The following KHDC4 variants were observed in gnomAD, a reference collection of about 807,000 sequenced individuals.
The protein encoded by KHDC4 is KH homology domain-containing protein 4.
Under a neutral mutation model 74.5 loss-of-function variants are expected in KHDC4, and 19 were observed. That is an observed-to-expected ratio of 0.26 (90% CI 0.18 to 0.37). The LOEUF (loss-of-function observed/expected upper bound fraction) is 0.37. Ranked by LOEUF, KHDC4 falls within the 10% of genes least tolerant of loss-of-function variation. The pLI is 1.00. For synonymous variants in KHDC4, 253 were observed against 266.1 expected (o/e 0.95, Z 0.48); for missense variants, 632 against 754.1 (o/e 0.84, Z 1.90).
At chr1:155,921,075 T>C (rs1240431090) in intron 10 of KHDC4, among the ~76,000 whole-genome samples, 4 of 152,210 alleles carry the variant, frequency 2.6e-5, no homozygotes, top group Non-Finnish European at 5.9e-5. Context: ...TGACAGAGAA[T>C]GTATGGCCCT....
In KHDC4 at chr1:155,929,849, A is replaced by G. The variant is rs1310645336; in HGVS notation, c.256-9T>C. The G allele has an allele frequency of 1.3e-6, 2 of 1,550,480 alleles. No individual in the cohort carries two copies. Among genetic ancestry groups the G allele is most frequent in the South Asian group, 1.3e-5 (1 of 79,116 alleles). ...TTGCCAGGAGCCTGAAGCTAGAAAA[A>G]AGAGAAATTAGATTAAAAAGTTTTT... On this transcript the variant is annotated splice_polypyrimidine_tract_variant and intron_variant, in intron 2 of 13. Coordinates refer to ENST00000368321, the MANE Select transcript of KHDC4 (RefSeq NM_014949.4).
chr1:155,927,841 CA>C lies in KHDC4; in HGVS notation c.465-686del, dbSNP rs1674048385. ...AAAAAAAAAAAAAAAACCACACACA[CA>C]CACACACACACACACACACACACAC... On this transcript the variant is annotated intron_variant, in intron 4 of 13. Transcript: ENST00000368321. Among the ~76,000 whole-genome samples, 10 of 12,742 alleles carry C rather than the reference CA, an allele frequency of 7.8e-4. 1 individual carries two copies. In the Admixed American group the frequency reaches 9.5e-3, roughly 12 times the overall value. 8.4% of individuals were successfully genotyped at this position (12,742 alleles called of 152,430 possible). A position where few individuals can be genotyped will look rare whatever the true frequency, so the allele number is the denominator to read the frequency against.
At chr1:155,917,971 T>C (rs1373193899) in intron 10 of KHDC4, among the ~76,000 whole-genome samples, 1 of 152,204 alleles carries the variant, frequency 6.6e-6, no homozygotes, top group East Asian at 1.9e-4. Context: ...CTCCAACCAC[T>C]GACAGTCGAT....
chr1:155,927,694 T>G (rs1464245256), intron 4 of KHDC4, among the ~76,000 whole-genome samples: 1 of 148,506 alleles, frequency 6.7e-6, no homozygotes, highest in Non-Finnish European at 1.5e-5. Flanking sequence ...TCCCAGCTAC[T>G]CAGGAGGCTG....
chr1:155,926,989 T>C (rs1572011890), intron 5 of KHDC4, 115 bp downstream of exon 5: 4 of 1,310,404 alleles, frequency 3.1e-6, no homozygotes, highest in Admixed American at 3.5e-5. Context: ...AATTCGTGTA[T>C]AGTTCATGAA....
chr1:155,928,287 T>C (rs950660897), intron 4 of KHDC4, among the ~76,000 whole-genome samples: 2 of 151,890 alleles, frequency 1.3e-5, no homozygotes, highest in African/African-American at 2.4e-5. Context: ...GGCCAGAGAA[T>C]TGCTTGAACC....
intron 1 of KHDC4, 75 bp downstream of exon 1, chr1:155,934,261 C>T: frequency 6.8e-7 from 1 of 1,471,228 alleles, no homozygotes; most frequent in South Asian, 1.2e-5. Context: ...CCACCCTATA[C>T]GCAGCTTCTC....
chr1:155,933,196 T>C (rs1674180465), intron 2 of KHDC4, among the ~76,000 whole-genome samples: 1 of 152,230 alleles, frequency 6.6e-6, no homozygotes, highest in Non-Finnish European at 1.5e-5. Flanking sequence ...CAAAATGTGT[T>C]CTGGAACATT....
At position 155,933,762 on chromosome 1, in the gene KHDC4, C is replaced by G. The variant is rs147323254; in HGVS notation, c.126G>C (p.Gly42=). Residue 42 remains glycine, a synonymous_variant, in exon 2 of 14, where the codon GGG becomes GGC. Transcript: ENST00000368321. Reference sequence around the variant, plus strand: ...CAGCTGTGGTGCCCCCAGGACTTCCCCCACTGCTGGTGACCTCCCCACCTG... The same window carrying G: ...CAGCTGTGGTGCCCCCAGGACTTCCGCCACTGCTGGTGACCTCCCCACCTG... ...AAPGGEVTSS[G]GSPGGTTAAP... The G allele has an allele frequency of 3.0e-5, 48 of 1,602,966 alleles. 1 individual carries two copies. The African/African-American group carries it at 5.7e-4, about 19-fold the overall frequency.
At position 155,933,762 on chromosome 1, in the gene KHDC4, C is replaced by A; in HGVS notation, c.126G>T (p.Gly42=). Residue 42 remains glycine, a synonymous_variant, in exon 2 of 14, where the codon GGG becomes GGT. Transcript: ENST00000368321. ...AAPGGEVTSS[G]GSPGGTTAAP... The stretch of plus-strand genomic sequence containing the variant: ...CAGCTGTGGTGCCCCCAGGACTTCC[C>A]CCACTGCTGGTGACCTCCCCACCTG... The A allele has an allele frequency of 6.2e-7, 1 of 1,602,966 alleles. No homozygotes were observed. The highest frequency in any genetic ancestry group is 1.3e-5 in the African/African-American group (1 of 74,860).
At chr1:155,927,865 CACACACACAA>C (rs779588962) in intron 4 of KHDC4, among the ~76,000 whole-genome samples, 3,595 of 45,298 alleles carry the variant, frequency 0.079, 166 homozygotes, top group East Asian at 0.4. Context: ...CACACACACA[CACACACACAA>C]AATTAATGGG....
At position 155,924,702 on chromosome 1, in the gene KHDC4, T is replaced by A. The variant is rs1673945607; in HGVS notation, c.893+930A>T. 4.6e-5 allele frequency among the ~76,000 whole-genome samples: 7 copies of A among 150,756 alleles called. No individual in the cohort carries two copies. In the South Asian group the frequency reaches 1.5e-3, roughly 32 times the overall value. ...AATTCTCCTACCTCAGCCTGCTGAA[T>A]AGCTGGGATTATAGGTGCCTGCCAC... On this transcript the variant is annotated intron_variant, in intron 7 of 13. Coordinates refer to ENST00000368321, the MANE Select transcript of KHDC4 (RefSeq NM_014949.4).
intron 2 of KHDC4, 28 bp from the exon 3 acceptor site, chr1:155,929,868 A>C: frequency 6.7e-7 from 1 of 1,502,104 alleles, no homozygotes; most frequent in Non-Finnish European, 8.9e-7. Context: ...TAGATTAAAA[A>C]GTTTTTATGA....
At chr1:155,927,273 AT>A (rs1419285385) in intron 4 of KHDC4, 117 bp from the exon 5 acceptor site, 2 of 744,812 alleles carry the variant, frequency 2.7e-6, no homozygotes, top group Non-Finnish European at 4.6e-6. Context: ...AAAAGGGACT[AT>A]ATACATTAGA....
chr1:155,916,947 C>A, intron 11 of KHDC4: 2 of 430,026 alleles, frequency 4.7e-6, no homozygotes, highest in Non-Finnish European at 4.1e-6. Flanking sequence ...TGTTATAATT[C>A]ATTATGCTAT....
rs768807178 is a variant in KHDC4 at position 155,926,740 on chromosome 1, T to C, written c.617A>G (p.His206Arg). Residue 206 changes from histidine to arginine, a missense_variant, in exon 6 of 14, where the codon CAC (histidine) becomes CGC (arginine). His to Arg is a conservative substitution (Grantham distance 29). Around this residue, in one of 4 missense-constraint regions of KHDC4, gnomAD observed 233 missense variants for 342.6 expected, o/e 0.68. Coordinates refer to ENST00000368321, the MANE Select transcript of KHDC4 (RefSeq NM_014949.4). ...TFNGATVTVY[H>R]QPAPIAQLSP... is the part of the protein sequence containing the mutation. ...CAACTGAGCGATGGGTGCTGGCTGG[T>C]GATAGACAGTTACTGTTGCACCATT... 28 of 1,614,028 alleles carry C rather than the reference T, an allele frequency of 1.7e-5. No individual in the cohort carries two copies. The highest frequency in any genetic ancestry group is 2.4e-5 in the Non-Finnish European group (28 of 1,180,036).
intron 10 of KHDC4, among the ~76,000 whole-genome samples, chr1:155,920,402 A>C (rs1224627386): frequency 6.6e-6 from 1 of 152,080 alleles, no homozygotes; most frequent in Non-Finnish European, 1.5e-5. Context: ...GCGCCACTGC[A>C]CTCCAGCCTG....
chr1:155,920,272 C>T (rs1572006660), intron 10 of KHDC4, among the ~76,000 whole-genome samples: 1 of 151,752 alleles, frequency 6.6e-6, no homozygotes, highest in Non-Finnish European at 1.5e-5. Context: ...CCCGTCTCTA[C>T]TAAAAATACA....
At position 155,917,667 on chromosome 1, in the gene KHDC4, C is replaced by A; in HGVS notation, c.1272G>T (p.Pro424=). The A allele has an allele frequency of 5.2e-6, 8 of 1,536,852 alleles. No homozygotes were observed. The highest frequency in any genetic ancestry group is 7.0e-6 in the Non-Finnish European group (8 of 1,147,208). ...VQPPASTGQS[P]MGGPFIPAAP... is the part of the protein sequence containing the mutation. ...CAGCAGGAATAAAAGGACCACCCATCGGACTCTGGGACCAAAACAAACCAA... is the reference window on the plus strand; with the variant it reads ...CAGCAGGAATAAAAGGACCACCCATAGGACTCTGGGACCAAAACAAACCAA... The change falls in exon 11 of 14, where the codon CCG becomes CCT. Residue 424 remains proline, a synonymous_variant. Coordinates refer to ENST00000368321, the MANE Select transcript of KHDC4 (RefSeq NM_014949.4).
Sources: allele counts gnomAD v4.1 joint callset (sites outside exome capture counted in the v4.1 genomes callset), GRCh38; gene constraint gnomAD v4.1.1; regional missense constraint gnomAD v4.1.1; transcripts MANE v1.5; gene names NCBI Gene and HGNC (gene_info 2026-07-23, HGNC 2026-07-21).